The following TFB1M variants were observed in gnomAD, a reference collection of about 807,000 sequenced individuals.
The protein encoded by TFB1M is transcription factor B1, mitochondrial, also known as dimethyladenosine transferase 1, mitochondrial.
In TFB1M, 27 loss-of-function variants were observed where a neutral mutation model predicts 31.1. That is an observed-to-expected ratio of 0.87 (90% CI 0.64 to 1.20). The LOEUF (loss-of-function observed/expected upper bound fraction) is 1.20. Ranked by LOEUF, TFB1M falls within the 50% of genes most tolerant of loss-of-function variation. The probability of loss-of-function intolerance (pLI) is 0.00; values close to 1 mark genes in which losing one functional copy is unlikely to be tolerated. For missense variants in TFB1M, 394 were observed against 418.7 expected, an observed-to-expected ratio of 0.94 and a Z score of 0.51; for synonymous variants, 166 against 151.8, an observed-to-expected ratio of 1.09 and a Z score of -0.69.
At chr6:155,249,757 C>T in the TFB1M span, 1 of 1,059,652 alleles carries the variant, frequency 9.4e-7, no homozygotes, top group Non-Finnish European at 1.4e-6. Context: ...GGTCTGGAAT[C>T]CTGAGTTGAA....
chr6:155,271,676 C>T (rs1039231289), intron 5 of TFB1M, among the ~76,000 whole-genome samples: 2 of 152,138 alleles, frequency 1.3e-5, no homozygotes, highest in African/African-American at 4.8e-5. Flanking sequence ...ATTTGCAAGG[C>T]ACGACATTGT....
At chr6:155,240,700 C>A in the TFB1M span, 8 of 1,611,502 alleles carry the variant, frequency 5.0e-6, no homozygotes, top group Non-Finnish European at 6.8e-6. Context: ...CAGAGAAGTC[C>A]TACGTGAAGG....
the TFB1M span, among the ~76,000 whole-genome samples, chr6:155,234,598 T>G: frequency 6.6e-6 from 1 of 152,204 alleles, no homozygotes; most frequent in Non-Finnish European, 1.5e-5. Flanking sequence ...AGCGATGGGT[T>G]TCCCTTATGT....
At chr6:155,274,718 C>A (rs919013898) in intron 5 of TFB1M, among the ~76,000 whole-genome samples, 33 of 152,358 alleles carry the variant, frequency 2.2e-4, no homozygotes, top group African/African-American at 7.9e-4. Context: ...ATAACCATGC[C>A]AGTGACTCAG....
chr6:155,232,857 C>G, the TFB1M span: 1 of 152,234 alleles, frequency 6.6e-6, no homozygotes, highest in Non-Finnish European at 1.5e-5. Flanking sequence ...TACTTTTCCT[C>G]TAAAGCAGGA....
the TFB1M span, among the ~76,000 whole-genome samples, chr6:155,248,948 T>C: frequency 6.6e-6 from 1 of 152,220 alleles, no homozygotes; most frequent in Non-Finnish European, 1.5e-5. Flanking sequence ...TTTTTTTCCA[T>C]GACAAGCATA....
the TFB1M span, chr6:155,232,761 C>G: frequency 6.6e-6 from 1 of 152,160 alleles, no homozygotes; most frequent in Non-Finnish European, 1.5e-5. Flanking sequence ...TGCAAAGTGA[C>G]GGGACCAGCT....
In TFB1M at chr6:155,302,528, AT is replaced by A. The variant is rs555279876; in HGVS notation, c.286-3944del. ...GTCAAAATGTCAATTAGCTTGCTTT[AT>A]TTTTTTTTAGTATGTAAAATAACTT... On this transcript the variant is annotated intron_variant, in intron 2 of 6. Coordinates refer to ENST00000367166, the MANE Select transcript of TFB1M (RefSeq NM_016020.4). 2.9e-3 allele frequency among the ~76,000 whole-genome samples: 445 copies of A among 151,332 alleles called. 1 individual carries two copies. Among genetic ancestry groups the A allele is most frequent in the Non-Finnish European group, 5.3e-3 (360 of 67,752 alleles).
At chr6:155,312,312 T>C (rs947365878) in intron 1 of TFB1M, among the ~76,000 whole-genome samples, 2 of 152,228 alleles carry the variant, frequency 1.3e-5, no homozygotes, top group African/African-American at 4.8e-5. Context: ...CTGACCATCT[T>C]ATCTATTATG....
Position 155,257,790 on chromosome 6 carries a change from G to A in TFB1M, c.*46C>T, listed in dbSNP as rs747435677. 45 of 1,612,008 alleles carry A rather than the reference G, an allele frequency of 2.8e-5. No individual in the cohort carries two copies. Among genetic ancestry groups the A allele is most frequent in the Non-Finnish European group, 3.8e-5 (45 of 1,179,022 alleles). On this transcript the variant is annotated 3_prime_UTR_variant, in exon 7 of 7. Coordinates refer to ENST00000367166, the MANE Select transcript of TFB1M (RefSeq NM_016020.4). The stretch of plus-strand genomic sequence containing the variant: ...AGAGTACCTATATAAGAAGCTCCAC[G>A]TAGTGCAAATCGACATCTGGTAGGC...
intron 5 of TFB1M, among the ~76,000 whole-genome samples, chr6:155,279,597 G>A (rs1248092075): frequency 6.6e-6 from 1 of 152,164 alleles, no homozygotes; most frequent in Non-Finnish European, 1.5e-5. Context: ...TCACTATATT[G>A]TCAGCTACAT....
intron 1 of TFB1M, among the ~76,000 whole-genome samples, chr6:155,312,566 G>C (rs1778058993): frequency 1.3e-5 from 2 of 152,250 alleles, no homozygotes; most frequent in African/African-American, 4.8e-5. Flanking sequence ...GCAGGTCTCT[G>C]CTCTCAAACT....
At position 155,290,769 on chromosome 6, in the gene TFB1M, G is replaced by C. The variant is rs9480101; in HGVS notation, c.547-5492C>G. Among the ~76,000 whole-genome samples, 11 of 152,260 alleles carry C rather than the reference G, an allele frequency of 7.2e-5. No homozygotes were observed. The South Asian group carries it at 2.3e-3, about 32-fold the overall frequency. On this transcript the variant is annotated intron_variant, in intron 4 of 6. Coordinates refer to ENST00000367166, the MANE Select transcript of TFB1M (RefSeq NM_016020.4). ...ATCTCTATTGTGTTATTCAAGAGCA[G>C]AAATACCAAAATAATCATGTCGGCT...
intron 2 of TFB1M, among the ~76,000 whole-genome samples, chr6:155,307,697 C>T (rs1777843862): frequency 6.6e-6 from 1 of 152,072 alleles, no homozygotes; most frequent in Non-Finnish European, 1.5e-5. Context: ...GCCTTTAAAA[C>T]AGTGCTGTGC....
At chr6:155,240,717 A>T in the TFB1M span, 1 of 1,604,768 alleles carries the variant, frequency 6.2e-7, no homozygotes, top group East Asian at 2.2e-5. Context: ...AAGGTAAGGG[A>T]AGAGCTGGCA....
chr6:155,247,929 T>A, the TFB1M span: 1 of 1,517,734 alleles, frequency 6.6e-7, no homozygotes, highest in African/African-American at 1.4e-5. Flanking sequence ...TCTATAAATG[T>A]TAAAAGAGAA....
chr6:155,300,793 TTTTTTG>T (rs1184366087), intron 2 of TFB1M, among the ~76,000 whole-genome samples: 2 of 152,010 alleles, frequency 1.3e-5, no homozygotes, highest in Non-Finnish European at 2.9e-5. Context: ...CTGGGTTTTC[TTTTTTG>T]TTTTTGTTTT....
chr6:155,250,862 A>C, the TFB1M span: 56 of 1,564,498 alleles, frequency 3.6e-5, no homozygotes, highest in Non-Finnish European at 4.8e-5. Flanking sequence ...ACAAGAGATC[A>C]TCTAGCCTGG....
the TFB1M span, among the ~76,000 whole-genome samples, chr6:155,249,410 G>C: frequency 6.6e-6 from 1 of 152,202 alleles, no homozygotes; most frequent in East Asian, 1.9e-4. Flanking sequence ...GCTTGGGTTT[G>C]AAGCCTGGCT....
Sources: allele counts gnomAD v4.1 joint callset (sites outside exome capture counted in the v4.1 genomes callset), GRCh38; gene constraint gnomAD v4.1.1; transcripts MANE v1.5; gene names NCBI Gene and HGNC (gene_info 2026-07-23, HGNC 2026-07-21).